The following AMBRA1 variants were observed in gnomAD, a reference collection of about 807,000 sequenced individuals.
AMBRA1 encodes the protein autophagy and beclin 1 regulator 1.
A neutral mutation model predicts 125.4 loss-of-function variants in AMBRA1; 47 were observed. The ratio of observed to expected loss-of-function variants is 0.37; its 90% CI spans 0.30 to 0.48. The LOEUF (loss-of-function observed/expected upper bound fraction) is 0.48. AMBRA1 is among the 20% of genes least tolerant of loss of function. The pLI is 0.99. For missense variants in AMBRA1, 1,331 were observed against 1,693.4 expected (o/e 0.79, Z 3.76); for synonymous variants, 626 against 655.5 (o/e 0.95, Z 0.69).
chr11:46,585,722 A>ATATATATATATATATATATATATATATT, intron 1 of AMBRA1, among the ~76,000 whole-genome samples: 1 of 104,562 alleles, frequency 9.6e-6, no homozygotes, highest in Non-Finnish European at 2.0e-5. Context: ...ATATATATAT[A>ATATATATATATATATATATATATATATT]TTCCTAGCTT....
At chr11:46,451,407 C>T (rs989795460) in intron 11 of AMBRA1, among the ~76,000 whole-genome samples, 1 of 152,146 alleles carries the variant, frequency 6.6e-6, no homozygotes, top group African/African-American at 2.4e-5. Context: ...CATCTCTCTA[C>T]CTTTGCTTCT....
At chr11:46,567,834 G>A (rs979474380) in intron 1 of AMBRA1, among the ~76,000 whole-genome samples, 2 of 152,028 alleles carry the variant, frequency 1.3e-5, no homozygotes, top group African/African-American at 2.4e-5. Flanking sequence ...CTAGCCTGCC[G>A]TGTGCCAAAC....
chr11:46,411,711 T>C (rs925277371), intron 15 of AMBRA1, among the ~76,000 whole-genome samples: 1 of 152,184 alleles, frequency 6.6e-6, no homozygotes, highest in East Asian at 1.9e-4. Flanking sequence ...TCAAGTGATC[T>C]GCCCACCTTG....
At chr11:46,575,981 G>A (rs1479494537) in intron 1 of AMBRA1, among the ~76,000 whole-genome samples, 1 of 152,144 alleles carries the variant, frequency 6.6e-6, no homozygotes, top group Non-Finnish European at 1.5e-5. Flanking sequence ...AGGGACCAAA[G>A]CTATTTTTAT....
chr11:46,507,633 C>CA (rs1951101176), intron 9 of AMBRA1, among the ~76,000 whole-genome samples: 1 of 152,146 alleles, frequency 6.6e-6, no homozygotes, highest in African/African-American at 2.4e-5. Flanking sequence ...ATTAATTTGA[C>CA]AGACAACTTT....
intron 1 of AMBRA1, among the ~76,000 whole-genome samples, chr11:46,579,951 G>T (rs1187954920): frequency 6.6e-6 from 1 of 152,158 alleles, no homozygotes; most frequent in African/African-American, 2.4e-5. Context: ...GACCTCATGT[G>T]ATCTACCTGC....
intron 11 of AMBRA1, among the ~76,000 whole-genome samples, chr11:46,492,072 T>G (rs1343659036): frequency 6.6e-6 from 1 of 152,132 alleles, no homozygotes; most frequent in Non-Finnish European, 1.5e-5. Flanking sequence ...TGAAAAAAGC[T>G]TTAACGTGCC....
chr11:46,460,080 A>C (rs1304562420), intron 11 of AMBRA1, among the ~76,000 whole-genome samples: 1 of 152,244 alleles, frequency 6.6e-6, no homozygotes, highest in Non-Finnish European at 1.5e-5. Context: ...ATCTCTGTGT[A>C]AACATCTTAG....
At chr11:46,480,429 T>C (rs1028065224) in intron 11 of AMBRA1, among the ~76,000 whole-genome samples, 2 of 152,116 alleles carry the variant, frequency 1.3e-5, no homozygotes, top group African/African-American at 4.8e-5. Flanking sequence ...AAATGTCTTA[T>C]GCCACTAAAT....
chr11:46,575,586 G>T (rs1317479476), intron 1 of AMBRA1, among the ~76,000 whole-genome samples: 2 of 140,786 alleles, frequency 1.4e-5, no homozygotes, highest in African/African-American at 2.7e-5. Flanking sequence ...GTATGATCTC[G>T]GCTCACTGCA....
rs1320923436 is a variant in AMBRA1 at position 46,397,807 on chromosome 11, G to A, written c.3540C>T (p.Asn1180=). ...GAATGCGGTGGCTGACGATGATGTT[G>A]TTGCCGAAGCCGCCCATGGAGGCCA... ...TTMASMGGFG[N]NIIVSHRIHR... The change falls in exon 18 of 18, where the codon AAC becomes AAT. Residue 1180 remains asparagine (N), a synonymous_variant. Transcript: ENST00000683756. 3 of 1,607,846 alleles carry A rather than the reference G, an allele frequency of 1.9e-6. No individual in the cohort carries two copies. The highest frequency in any genetic ancestry group is 1.7e-6 in the Non-Finnish European group (2 of 1,180,006).
rs185611541 is a variant in AMBRA1, at chr11:46,538,637, G to A, written c.2072+3308C>T. Among the ~76,000 whole-genome samples the A allele has an allele frequency of 8.1e-4, 124 of 152,242 alleles. 1 individual carries two copies. Among genetic ancestry groups the A allele is most frequent in the African/African-American group, 2.9e-3 (122 of 41,526 alleles). ...AGCCTCCCACGTAGCTAGGACTACA[G>A]GCATGCACCACCATGCCTGGCTAAT... On this transcript the variant is annotated intron_variant, in intron 7 of 17. Transcript: ENST00000683756.
intron 15 of AMBRA1, among the ~76,000 whole-genome samples, chr11:46,411,464 C>G (rs1040136103): frequency 2.0e-5 from 3 of 152,338 alleles, no homozygotes; most frequent in South Asian, 2.1e-4. Flanking sequence ...AGGCACTGAG[C>G]CTCCAAATCT....
chr11:46,407,581 CAGG>C (rs905099269), intron 17 of AMBRA1, among the ~76,000 whole-genome samples: 4 of 152,232 alleles, frequency 2.6e-5, no homozygotes, highest in Non-Finnish European at 5.9e-5. Flanking sequence ...AGCACAAATG[CAGG>C]AGGTGGGCTG....
At chr11:46,583,007 G>A (rs1418003578) in intron 1 of AMBRA1, among the ~76,000 whole-genome samples, 4 of 151,186 alleles carry the variant, frequency 2.6e-5, no homozygotes, top group Non-Finnish European at 5.9e-5. Flanking sequence ...GAATACACAT[G>A]CAACAAACAT....
intron 14 of AMBRA1, among the ~76,000 whole-genome samples, chr11:46,433,263 T>C (rs1023232724): frequency 1.3e-5 from 2 of 152,178 alleles, no homozygotes; most frequent in Admixed American, 6.5e-5. Context: ...GCAGCACATA[T>C]TCTAGGGTGT....
intron 14 of AMBRA1, among the ~76,000 whole-genome samples, chr11:46,432,169 CAGG>C (rs1947487173): frequency 6.6e-6 from 1 of 152,066 alleles, no homozygotes; most frequent in Admixed American, 6.6e-5. Flanking sequence ...GCTCACAGCC[CAGG>C]AGAAGAGAGT....
At position 46,568,799 on chromosome 11, in the gene AMBRA1, C is replaced by T. The variant is rs1234263873; in HGVS notation, c.-120-20299G>A. Among the ~76,000 whole-genome samples, 7 of 145,958 alleles carry T rather than the reference C, an allele frequency of 4.8e-5. No homozygotes were observed. The South Asian group carries it at 1.3e-3, about 27-fold the overall frequency. On this transcript the variant is annotated intron_variant, in intron 1 of 17. Coordinates refer to ENST00000683756, the MANE Select transcript of AMBRA1 (RefSeq NM_001387011.1). ...AAAAAAAAAAAAGGAACCCTCAACC[C>T]TACCTTTTTTTTTTTTTTTTTTTTT... is the stretch of plus-strand genomic sequence containing the variant.
intron 1 of AMBRA1, among the ~76,000 whole-genome samples, chr11:46,564,149 A>C (rs1288309868): frequency 6.6e-6 from 1 of 151,338 alleles, no homozygotes; most frequent in Non-Finnish European, 1.5e-5. Context: ...CGTCTCAAAA[A>C]AAAAAAAAAA....
Sources: gnomAD v4.1 joint callset for allele counts (sites outside exome capture counted in the v4.1 genomes callset) on GRCh38, gnomAD v4.1.1 for gene constraint, MANE v1.5 for transcripts, NCBI Gene and HGNC (gene_info 2026-07-23, HGNC 2026-07-21) for gene names.